The following TMEM200A variants were observed in gnomAD, a reference collection of about 807,000 sequenced individuals.
TMEM200A encodes the protein transmembrane protein 200A.
In TMEM200A, 12 loss-of-function variants were observed where a neutral mutation model predicts 24.3. The ratio of observed to expected loss-of-function variants is 0.49; its 90% confidence interval spans 0.32 to 0.80. The LOEUF (loss-of-function observed/expected upper bound fraction) is 0.80. Ranked by LOEUF, TMEM200A falls within the 30% of genes least tolerant of loss-of-function variation. The pLI, the probability that TMEM200A is intolerant of heterozygous loss-of-function variation, is 0.04. For synonymous variants in TMEM200A, 224 were observed against 224.4 expected, an observed-to-expected ratio of 1.00 and a Z score of 0.02; for missense variants, 545 against 614.4, an observed-to-expected ratio of 0.89 and a Z score of 1.19.
At chr6:130,386,710 C>A (rs760778050) in intron 2 of TMEM200A, among the ~76,000 whole-genome samples, 1 of 152,040 alleles carries the variant, frequency 6.6e-6, no homozygotes, top group African/African-American at 2.4e-5. Context: ...CAAAAAATTC[C>A]GACAAACAAA....
At chr6:130,378,134 G>A (rs150195661) in intron 1 of TMEM200A, among the ~76,000 whole-genome samples, 40 of 152,224 alleles carry the variant, frequency 2.6e-4, no homozygotes, top group Non-Finnish European at 4.0e-4. Context: ...GGGTGTTGGC[G>A]TCACAAGGAA....
intron 2 of TMEM200A, chr6:130,439,072 AG>A (rs1780091463): frequency 6.6e-6 from 1 of 152,232 alleles, no homozygotes; most frequent in Admixed American, 6.5e-5. Context: ...CAAATTAAAG[AG>A]AAGAGTTAGA....
At position 130,366,665 on chromosome 6, in the gene TMEM200A, T is replaced by C; in HGVS notation, c.-81+141T>C. On this transcript the variant is annotated intron_variant, in intron 1 of 2. Transcript: ENST00000296978. The surrounding 1 kb of genome is among the most constrained non-coding windows in gnomAD (Gnocchi z 4.4). Reference sequence around the variant, plus strand: ...AGAGTTAGGTAAACGCTGTCTCTCCTAAAGTTTGGGAAATAAACCAAGTCC... The same window carrying C: ...AGAGTTAGGTAAACGCTGTCTCTCCCAAAGTTTGGGAAATAAACCAAGTCC... 1 of 773,952 alleles carries C rather than the reference T, an allele frequency of 1.3e-6. No individual in the cohort carries two copies. The highest frequency in any genetic ancestry group is 1.6e-6 in the Non-Finnish European group (1 of 636,988). 47.9% of individuals were successfully genotyped at this position (773,952 alleles called of 1,614,324 possible). A position where few individuals can be genotyped will look rare whatever the true frequency, so the allele number is the denominator to read the frequency against.
At chr6:130,420,872 T>C (rs1779565849) in intron 2 of TMEM200A, among the ~76,000 whole-genome samples, 1 of 152,098 alleles carries the variant, frequency 6.6e-6, no homozygotes, top group African/African-American at 2.4e-5. Flanking sequence ...TCATTTCTTC[T>C]TCCATCCTTC....
At chr6:130,386,422 G>T (rs1030874721) in intron 2 of TMEM200A, among the ~76,000 whole-genome samples, 2 of 152,138 alleles carry the variant, frequency 1.3e-5, no homozygotes, top group Non-Finnish European at 2.9e-5. Context: ...CCTTTTATAA[G>T]CTACTCTTAG....
rs150909725 is a variant in TMEM200A at position 130,411,862 on chromosome 6, T to C, written c.-17+26626T>C. ...CTGTAAAACTGCATGATATTTTCCA[T>C]TTTTAATTACTGTTTTTTGTAAGGG... On this transcript the variant is annotated intron_variant, in intron 2 of 2. Coordinates refer to ENST00000296978, the MANE Select transcript of TMEM200A (RefSeq NM_001258277.2). Among the ~76,000 whole-genome samples, 5 of 152,336 alleles carry C rather than the reference T, an allele frequency of 3.3e-5. No individual in the cohort carries two copies. In the East Asian group the frequency reaches 7.7e-4, roughly 23 times the overall value.
At chr6:130,417,258 ATGAG>A (rs1315468322) in intron 2 of TMEM200A, among the ~76,000 whole-genome samples, 13 of 152,218 alleles carry the variant, frequency 8.5e-5, no homozygotes, top group Non-Finnish European at 2.9e-5. Context: ...AATGCAACAA[ATGAG>A]TGAGTGTATG....
At chr6:130,413,391 C>A (rs1239500013) in intron 2 of TMEM200A, among the ~76,000 whole-genome samples, 1 of 152,172 alleles carries the variant, frequency 6.6e-6, no homozygotes, top group Non-Finnish European at 1.5e-5. Context: ...TTTGATGTCT[C>A]ACAGGCATTT....
chr6:130,441,554 G>A lies in TMEM200A; in HGVS notation c.1132G>A (p.Ala378Thr). 1.2e-6 allele frequency: 2 copies of A among 1,613,998 alleles called. No homozygotes were observed. The highest frequency in any genetic ancestry group is 1.1e-5 in the South Asian group (1 of 91,070). Residue 378 changes from alanine to threonine, a missense_variant, in exon 3 of 3, where the codon GCC becomes ACC. Coordinates refer to ENST00000296978, the MANE Select transcript of TMEM200A (RefSeq NM_001258277.2). ...TGGACAGCTCTTGTCTCCTGGGGCT[G>A]CCAGAAGACAGTTTGGGTCCAATAC... is the stretch of plus-strand genomic sequence containing the variant. ...GAGQLLSPGA[A>T]RRQFGSNTSL...
chr6:130,424,220 G>A (rs929191449), intron 2 of TMEM200A, among the ~76,000 whole-genome samples: 4 of 152,052 alleles, frequency 2.6e-5, no homozygotes, highest in East Asian at 3.9e-4. Context: ...TAAGCTAAAC[G>A]GATCTGAATT....
intron 1 of TMEM200A, among the ~76,000 whole-genome samples, chr6:130,371,286 G>C (rs1337218182): frequency 6.6e-6 from 1 of 152,114 alleles, no homozygotes; most frequent in Admixed American, 6.5e-5. Context: ...ATTTACCAAG[G>C]ATCTACTTAG....
chr6:130,380,803 TTTA>T (rs1296765011), intron 1 of TMEM200A, among the ~76,000 whole-genome samples: 1 of 152,204 alleles, frequency 6.6e-6, no homozygotes, highest in East Asian at 1.9e-4. Context: ...ACATAATCTT[TTTA>T]TTTTTTACAA....
At chr6:130,385,727 T>C (rs1220260820) in intron 2 of TMEM200A, among the ~76,000 whole-genome samples, 6 of 152,240 alleles carry the variant, frequency 3.9e-5, no homozygotes, top group Admixed American at 2.0e-4. Flanking sequence ...TCTTTCATGC[T>C]GTTTTTGTTT....
At chr6:130,368,328 T>C (rs1778232892) in intron 1 of TMEM200A, among the ~76,000 whole-genome samples, 4 of 152,200 alleles carry the variant, frequency 2.6e-5, no homozygotes, top group South Asian at 4.1e-4. Context: ...CTTAGGAAGA[T>C]AGATAAGAAC....
chr6:130,392,039 G>A (rs113937525), intron 2 of TMEM200A, among the ~76,000 whole-genome samples: 13,251 of 152,074 alleles, frequency 0.087, 1,322 homozygotes, highest in African/African-American at 0.24. Context: ...CACCACACAC[G>A]GCCAAGATTC....
intron 1 of TMEM200A, among the ~76,000 whole-genome samples, chr6:130,380,927 C>T (rs1481935289): frequency 2.0e-5 from 3 of 152,124 alleles, no homozygotes; most frequent in African/African-American, 7.2e-5. Context: ...TTCAAGGCTG[C>T]AGAAAGCTGT....
rs57658671 is a variant in TMEM200A, at chr6:130,381,861, G to C, written c.-80-3312G>C. On this transcript the variant is annotated intron_variant, in intron 1 of 2. Transcript: ENST00000296978. ...ATCTAGTAGAATTTGAGAAATTGCTGACTGAAGGTTAACATTTGAAAGGAT... is the reference window on the plus strand; with the variant it reads ...ATCTAGTAGAATTTGAGAAATTGCTCACTGAAGGTTAACATTTGAAAGGAT... The C allele has an allele frequency of 0.014, 13,220 of 963,548 alleles. 1,250 individuals carry two copies. In the African/African-American group the frequency reaches 0.2, roughly 15 times the overall value. The allele number at this position is 963,548 out of a possible 1,614,324, so 59.7% of individuals were successfully genotyped here. A position where few individuals can be genotyped will look rare whatever the true frequency, so the allele number is the denominator to read the frequency against.
intron 2 of TMEM200A, among the ~76,000 whole-genome samples, chr6:130,408,015 C>G (rs2115150973): frequency 6.6e-6 from 1 of 152,304 alleles, no homozygotes; most frequent in East Asian, 1.9e-4. Flanking sequence ...TATGCTCCAC[C>G]TGCAAAATGT....
chr6:130,422,830 T>A (rs1779632298), intron 2 of TMEM200A, among the ~76,000 whole-genome samples: 1 of 152,194 alleles, frequency 6.6e-6, no homozygotes, highest in African/African-American at 2.4e-5. Context: ...AAAACTTATA[T>A]GAGTGTTCTT....
Sources: gnomAD v4.1 joint callset for allele counts (sites outside exome capture counted in the v4.1 genomes callset) on GRCh38, gnomAD v4.1.1 for gene constraint, Gnocchi (gnomAD v3.1) non-coding constraint, MANE v1.5 for transcripts, NCBI Gene and HGNC (gene_info 2026-07-23, HGNC 2026-07-21) for gene names.